GYS2: variants seen among roughly 807,000 people sequenced by gnomAD.
The protein encoded by GYS2 is glycogen [starch] synthase, liver.
GYS2 carries 80 observed loss-of-function variants against 85.6 expected under a neutral mutation model. That is an observed-to-expected ratio of 0.93 (90% CI 0.78 to 1.13). The LOEUF is 1.13. GYS2 is among the 50% of genes most tolerant of loss of function. The pLI is 0.00. For synonymous variants in GYS2, 328 were observed against 300.7 expected (o/e 1.09, Z -0.94); for missense variants, 881 against 854.9 (o/e 1.03, Z -0.38).
chr12:21,573,386 C>A (rs1429509931), intron 4 of GYS2, among the ~76,000 whole-genome samples: 2 of 152,142 alleles, frequency 1.3e-5, no homozygotes, highest in Non-Finnish European at 2.9e-5. Context: ...GACACCAAAT[C>A]TGCAAAACCT....
At chr12:21,591,670 C>T (rs1207251509) in intron 1 of GYS2, among the ~76,000 whole-genome samples, 1 of 152,050 alleles carries the variant, frequency 6.6e-6, no homozygotes, top group Non-Finnish European at 1.5e-5. Flanking sequence ...ATGCAAAAAG[C>T]TCTTCTCCAC....
intron 4 of GYS2, among the ~76,000 whole-genome samples, chr12:21,572,809 AAATT>A (rs538763727): frequency 7.3e-4 from 111 of 152,346 alleles, no homozygotes; most frequent in African/African-American, 2.5e-3. Flanking sequence ...GTAGCTTTTA[AAATT>A]AATTATTACT....
Position 21,546,408 on chromosome 12 carries a change from C to T in GYS2, c.1485G>A (p.Glu495=), listed in dbSNP as rs767214853. ...CTCCAAGATGACAACCTCTAACAAA[C>T]TCTTCATAGTCCATGGGTAGTAAGG... The part of the protein sequence containing the change: ...TSPLLPMDYE[E]FVRGCHLGVF... The change falls in exon 12 of 16, where the codon GAG becomes GAA. Residue 495 remains glutamate, a synonymous_variant. Coordinates refer to ENST00000261195, the MANE Select transcript of GYS2 (RefSeq NM_021957.4). 3.1e-6 allele frequency: 5 copies of T among 1,599,588 alleles called. No homozygotes were observed. The South Asian group carries it at 4.4e-5, about 14-fold the overall frequency.
rs143199072 is a variant in GYS2 at position 21,542,496 on chromosome 12, C to T, written c.1645G>A (p.Gly549Ser). 2.5e-5 allele frequency: 40 copies of T among 1,601,922 alleles called. No individual in the cohort carries two copies. Among genetic ancestry groups the T allele is most frequent in the Non-Finnish European group, 3.1e-5 (36 of 1,168,976 alleles). The change falls in exon 13 of 16, where the codon GGT becomes AGT. Residue 549 changes from glycine (G) to serine (S), a missense_variant and splice_region_variant. Coordinates refer to ENST00000261195, the MANE Select transcript of GYS2 (RefSeq NM_021957.4). ...ATGGGTTAATGATGAAAACCCTCAC[C>T]GTAAGCAGTAGGATCAGCCACGTGC... The part of the protein sequence containing the change: ...QEHVADPTAY[G>S]IYIVDRRFRS...
At chr12:21,562,698 C>CA (rs60049724) in intron 7 of GYS2, among the ~76,000 whole-genome samples, 2,015 of 97,792 alleles carry the variant, frequency 0.021, 30 homozygotes, top group African/African-American at 0.052. Context: ...TAAGATTCTC[C>CA]AAAAAAAAAA....
chr12:21,542,824 T>TTAA (rs1943995034), intron 12 of GYS2, among the ~76,000 whole-genome samples: 1 of 152,174 alleles, frequency 6.6e-6, no homozygotes, highest in Non-Finnish European at 1.5e-5. Flanking sequence ...CACAGAGAAA[T>TTAA]TAATAACTTT....
In GYS2 at chr12:21,603,255, T is replaced by C. The variant is rs1944773131; in HGVS notation, c.121+1217A>G. On this transcript the variant is annotated intron_variant, in intron 1 of 15. Coordinates refer to ENST00000261195, the MANE Select transcript of GYS2 (RefSeq NM_021957.4). Reference sequence around the variant, plus strand: ...ATAAGGTTTCTGTCCTCCTAGATTCTTTCTCACTAAACTACAGAGAATAAG... The same window carrying C: ...ATAAGGTTTCTGTCCTCCTAGATTCCTTCTCACTAAACTACAGAGAATAAG... Among the ~76,000 whole-genome samples the C allele has an allele frequency of 2.0e-5, 3 of 152,272 alleles. No individual in the cohort carries two copies. In the South Asian group the frequency reaches 6.2e-4, roughly 32 times the overall value.
rs930617051 is a variant in GYS2, at chr12:21,542,661, G to C, written c.1550-70C>G. The C allele has an allele frequency of 9.5e-6, 9 of 943,004 alleles. No individual in the cohort carries two copies. The African/African-American group carries it at 1.5e-4, about 15-fold the overall frequency. 58.4% of individuals were successfully genotyped at this position (943,004 alleles called of 1,614,324 possible). ...ATATCCTTGTATGCACTCAGAGGAG[G>C]AAAAGGCCCTAGTCCTCCTAAGAAT... On this transcript the variant is annotated intron_variant, in intron 12 of 15. Coordinates refer to ENST00000261195, the MANE Select transcript of GYS2 (RefSeq NM_021957.4).
At chr12:21,557,013 T>C (rs904669815) in intron 11 of GYS2, among the ~76,000 whole-genome samples, 7 of 152,148 alleles carry the variant, frequency 4.6e-5, no homozygotes, top group African/African-American at 1.4e-4. Context: ...AATGTGGGGA[T>C]TGAAATCTTA....
intron 11 of GYS2, among the ~76,000 whole-genome samples, chr12:21,557,528 G>A (rs1001382555): frequency 5.3e-5 from 8 of 152,154 alleles, no homozygotes; most frequent in Non-Finnish European, 1.2e-4. Flanking sequence ...TTATTAGAAA[G>A]AAACAAACAC....
intron 1 of GYS2, among the ~76,000 whole-genome samples, chr12:21,583,265 G>A (rs960458020): frequency 1.3e-5 from 2 of 152,156 alleles, no homozygotes; most frequent in South Asian, 4.2e-4. Flanking sequence ...AATTTATAGG[G>A]GTCCAATGGT....
In GYS2 at chr12:21,596,732, A is replaced by C. The variant is rs191324918; in HGVS notation, c.121+7740T>G. 2.8e-3 allele frequency among the ~76,000 whole-genome samples: 422 copies of C among 152,290 alleles called. 3 individuals carry two copies. Among genetic ancestry groups the C allele is most frequent in the African/African-American group, 9.2e-3 (383 of 41,572 alleles). ...TCTCACCACTCCTCTTCAACATAGT[A>C]CTGGAAGTCCTAGCCAGGGCAATCA... On this transcript the variant is annotated intron_variant, in intron 1 of 15. Transcript: ENST00000261195.
At position 21,560,402 on chromosome 12, in the gene GYS2, C is replaced by T. The variant is rs1420168544; in HGVS notation, c.1153G>A (p.Val385Met). The change falls in exon 8 of 16, where the codon GTG becomes ATG. Residue 385 changes from valine to methionine, a missense_variant. By Grantham distance (21) the Val-to-Met change is conservative (BLOSUM62 1). Coordinates refer to ENST00000261195, the MANE Select transcript of GYS2 (RefSeq NM_021957.4). ...FNVETLKGQA[V>M]RKQLWDVAHS... Reference sequence around the variant, plus strand: ...TGAGATTACCACAGCTGTTTTCGCACTGCTTGTCCTTTCAGGGTTTCCACG... The same window carrying T: ...TGAGATTACCACAGCTGTTTTCGCATTGCTTGTCCTTTCAGGGTTTCCACG... 5 of 1,597,326 alleles carry T rather than the reference C, an allele frequency of 3.1e-6. No individual in the cohort carries two copies. The highest frequency in any genetic ancestry group is 4.3e-6 in the Non-Finnish European group (5 of 1,164,944).
Position 21,563,003 on chromosome 12 carries a change from A to G in GYS2, c.977T>C (p.Leu326Pro). 1 of 1,613,362 alleles carries G rather than the reference A, an allele frequency of 6.2e-7. No homozygotes were observed. Among genetic ancestry groups the G allele is most frequent in the African/African-American group, 1.3e-5 (1 of 75,052 alleles). Residue 326 changes from leucine to proline, a missense_variant, in exon 7 of 16, where the codon CTT becomes CCT. Transcript: ENST00000261195. ...LDFDLEKTLFLFIAGRYEFSN... is the reference protein window; with the variant it reads ...LDFDLEKTLFPFIAGRYEFSN... Reference sequence around the variant, plus strand: ...AAACTCATACCTCCCAGCAATGAAAAGGAACAAAGTCTTTTCAAGATCAAA... The same window carrying G: ...AAACTCATACCTCCCAGCAATGAAAGGGAACAAAGTCTTTTCAAGATCAAA...
rs573699254 is a variant in GYS2 at position 21,550,967 on chromosome 12, A to G, written c.1423-4497T>C. ...AAAAACAGAGAAAGAGAGAAAGAAG[A>G]CAAACTATTTTTACACAAGCACTCT... is the stretch of plus-strand genomic sequence containing the variant. On this transcript the variant is annotated intron_variant, in intron 11 of 15. Coordinates refer to ENST00000261195, the MANE Select transcript of GYS2 (RefSeq NM_021957.4). Among the ~76,000 whole-genome samples, 8 of 151,822 alleles carry G rather than the reference A, an allele frequency of 5.3e-5. No individual in the cohort carries two copies. The South Asian group carries it at 1.0e-3, about 20-fold the overall frequency.
At chr12:21,604,184 T>A (rs1306956958) in intron 1 of GYS2, among the ~76,000 whole-genome samples, 1 of 152,152 alleles carries the variant, frequency 6.6e-6, no homozygotes, top group East Asian at 1.9e-4. Flanking sequence ...ATTAACTTTT[T>A]ATTTCTATGT....
intron 4 of GYS2, among the ~76,000 whole-genome samples, chr12:21,570,143 C>G (rs915863233): frequency 6.6e-6 from 1 of 152,158 alleles, no homozygotes; most frequent in African/African-American, 2.4e-5. Flanking sequence ...ACTCCTAGAG[C>G]ATTCTTTCAT....
Position 21,536,899 on chromosome 12 carries a change from T to C in GYS2, c.*55A>G. 1 of 1,190,172 alleles carries C rather than the reference T, an allele frequency of 8.4e-7. No individual in the cohort carries two copies. The highest frequency in any genetic ancestry group is 1.3e-6 in the Non-Finnish European group (1 of 796,728). The allele number at this position is 1,190,172 out of a possible 1,614,324, so 73.7% of individuals were successfully genotyped here. ...AAATTTGTGGCATTTTTATTTTAAATAATTAGTCTTACTTTGCTTTTTTAA... is the reference window on the plus strand; with the variant it reads ...AAATTTGTGGCATTTTTATTTTAAACAATTAGTCTTACTTTGCTTTTTTAA... On this transcript the variant is annotated 3_prime_UTR_variant, in exon 16 of 16. Coordinates refer to ENST00000261195, the MANE Select transcript of GYS2 (RefSeq NM_021957.4).
intron 4 of GYS2, among the ~76,000 whole-genome samples, chr12:21,570,459 G>A (rs1223903990): frequency 1.3e-5 from 2 of 152,222 alleles, no homozygotes; most frequent in Admixed American, 6.5e-5. Flanking sequence ...CTCATACTAC[G>A]CAGTAAGCGT....
Sources: gnomAD v4.1 joint callset for allele counts (sites outside exome capture counted in the v4.1 genomes callset) on GRCh38, gnomAD v4.1.1 for gene constraint, MANE v1.5 for transcripts, NCBI Gene and HGNC (gene_info 2026-07-23, HGNC 2026-07-21) for gene names.